The following PHLPP1 variants were observed in gnomAD, a reference collection of about 807,000 sequenced individuals.
PHLPP1 encodes the protein PH domain leucine-rich repeat-containing protein phosphatase 1.
Under a neutral mutation model 117.2 loss-of-function variants are expected in PHLPP1, and 42 were observed. The observed-to-expected ratio is 0.36, with a 90% CI of 0.28 to 0.46. The LOEUF is 0.46. Among genes scored for constraint, PHLPP1 ranks in the 20% least tolerant of loss-of-function variants. The pLI, the probability that PHLPP1 is intolerant of heterozygous loss-of-function variation, is 1.00. For synonymous variants in PHLPP1, 1,042 were observed against 970.7 expected, an observed-to-expected ratio of 1.07 and a Z score of -1.37; for missense variants, 2,084 against 2,241.9, an observed-to-expected ratio of 0.93 and a Z score of 1.42.
At chr18:62,752,365 G>A (rs956152286) in intron 1 of PHLPP1, among the ~76,000 whole-genome samples, 6 of 152,202 alleles carry the variant, frequency 3.9e-5, no homozygotes, top group Non-Finnish European at 8.8e-5. Context: ...ATCTAAACAG[G>A]AAGATAAAGA....
chr18:62,755,102 T>A (rs893517772), intron 1 of PHLPP1, among the ~76,000 whole-genome samples: 29 of 152,344 alleles, frequency 1.9e-4, no homozygotes, highest in African/African-American at 7.0e-4. Flanking sequence ...CATAGTGAAA[T>A]TAGCTGATGT....
intron 1 of PHLPP1, among the ~76,000 whole-genome samples, chr18:62,812,534 T>C (rs190276278): frequency 1.5e-4 from 23 of 152,296 alleles, no homozygotes; most frequent in African/African-American, 4.8e-4. Flanking sequence ...AGAGTTAACA[T>C]TGAGTCATTC....
chr18:62,943,066 C>T (rs1414340853), intron 11 of PHLPP1, among the ~76,000 whole-genome samples: 1 of 152,158 alleles, frequency 6.6e-6, no homozygotes, highest in African/African-American at 2.4e-5. Context: ...TCATTGTCTT[C>T]TTTCAGATGA....
chr18:62,857,181 A>G (rs987443621), intron 3 of PHLPP1, among the ~76,000 whole-genome samples: 2 of 152,182 alleles, frequency 1.3e-5, no homozygotes, highest in Non-Finnish European at 2.9e-5. Context: ...CATATTAGCA[A>G]ACCCTTGGTG....
chr18:62,779,497 G>A (rs549079916), intron 1 of PHLPP1: 2 of 152,278 alleles, frequency 1.3e-5, no homozygotes, highest in South Asian at 2.1e-4. Flanking sequence ...AGTGTGCAGA[G>A]GGATGAATGT....
intron 1 of PHLPP1, among the ~76,000 whole-genome samples, chr18:62,734,352 CTCG>C (rs1911309985): frequency 6.6e-6 from 1 of 152,150 alleles, no homozygotes; most frequent in South Asian, 2.1e-4. Flanking sequence ...AAAAAAACCT[CTCG>C]TCTATGCTAG....
chr18:62,914,814 A>G (rs1314251659), intron 8 of PHLPP1, 99 bp from the exon 9 acceptor site: 4 of 785,220 alleles, frequency 5.1e-6, no homozygotes, highest in East Asian at 2.7e-5. Context: ...GTACTTTGGT[A>G]TTTTATTTGA....
intron 1 of PHLPP1, among the ~76,000 whole-genome samples, chr18:62,797,106 G>T (rs994552643): frequency 2.6e-5 from 4 of 152,066 alleles, no homozygotes; most frequent in Non-Finnish European, 2.9e-5. Context: ...AATCCTCAAG[G>T]TATTTAAAGG....
chr18:62,850,497 C>A (rs1915317821), intron 3 of PHLPP1, among the ~76,000 whole-genome samples: 2 of 151,958 alleles, frequency 1.3e-5, no homozygotes, highest in Admixed American at 6.6e-5. Context: ...TTTTGTGGTT[C>A]ATTTCTCCTT....
At chr18:62,961,375 G>A (rs1237915807) in intron 13 of PHLPP1, among the ~76,000 whole-genome samples, 1 of 152,186 alleles carries the variant, frequency 6.6e-6, no homozygotes, top group Non-Finnish European at 1.5e-5. Flanking sequence ...TGTTCAGCTA[G>A]GTAGAGAAGA....
intron 4 of PHLPP1, among the ~76,000 whole-genome samples, chr18:62,889,853 A>C (rs1260507736): frequency 3.9e-5 from 6 of 152,250 alleles, no homozygotes; most frequent in African/African-American, 9.6e-5. Context: ...AGTTCTAAAA[A>C]GTTAATGAGA....
intron 10 of PHLPP1, among the ~76,000 whole-genome samples, chr18:62,935,552 A>G (rs1227792260): frequency 3.3e-5 from 5 of 152,238 alleles, no homozygotes; most frequent in African/African-American, 9.6e-5. Flanking sequence ...AGAATCATAT[A>G]AGAATAGCCG....
intron 1 of PHLPP1, among the ~76,000 whole-genome samples, chr18:62,735,940 A>G (rs1911357073): frequency 6.6e-6 from 1 of 152,046 alleles, no homozygotes; most frequent in Non-Finnish European, 1.5e-5. Flanking sequence ...CTAAAACTTA[A>G]AGTATAATAA....
chr18:62,778,275 GAC>G (rs775978743), intron 1 of PHLPP1, among the ~76,000 whole-genome samples: 1 of 152,096 alleles, frequency 6.6e-6, no homozygotes, highest in Non-Finnish European at 1.5e-5. Flanking sequence ...CAGTTAAAAA[GAC>G]AGCGCTGGAA....
intron 1 of PHLPP1, among the ~76,000 whole-genome samples, chr18:62,729,547 C>A (rs192451376): frequency 6.6e-6 from 1 of 152,038 alleles, no homozygotes; most frequent in Non-Finnish European, 1.5e-5. Flanking sequence ...TGGTGGTGTG[C>A]GGCTGTAATC....
intron 9 of PHLPP1, among the ~76,000 whole-genome samples, chr18:62,915,546 T>C (rs534807047): frequency 6.6e-6 from 1 of 152,350 alleles, no homozygotes; most frequent in South Asian, 2.1e-4. Context: ...TTCTTATTTT[T>C]ATTTTATAAT....
chr18:62,798,782 C>G (rs577361622), intron 1 of PHLPP1, among the ~76,000 whole-genome samples: 1 of 152,004 alleles, frequency 6.6e-6, no homozygotes, highest in Non-Finnish European at 1.5e-5. Flanking sequence ...ATTCACAGAT[C>G]AAGGCAACCC....
At chr18:62,743,111 A>G (rs1911578393) in intron 1 of PHLPP1, among the ~76,000 whole-genome samples, 3 of 152,142 alleles carry the variant, frequency 2.0e-5, no homozygotes, top group Admixed American at 2.0e-4. Context: ...GAGAGGTCCC[A>G]GGGTTACTTA....
At position 62,964,829 on chromosome 18, in the gene PHLPP1, G is replaced by C. The variant is rs957907265; in HGVS notation, c.3560+1357G>C. On this transcript the variant is annotated intron_variant, in intron 14 of 16. Transcript: ENST00000262719. Reference sequence around the variant, plus strand: ...AACACTAATGTGAAATCTAAGATTAGTTTTTAAATATCTCTGTATATTAAT... The same window carrying C: ...AACACTAATGTGAAATCTAAGATTACTTTTTAAATATCTCTGTATATTAAT... Among the ~76,000 whole-genome samples the C allele has an allele frequency of 1.2e-4, 18 of 152,280 alleles. 1 individual carries two copies. Among genetic ancestry groups the C allele is most frequent in the Admixed American group, 1.2e-3 (18 of 15,300 alleles).
Sources: gnomAD v4.1 joint callset for allele counts (sites outside exome capture counted in the v4.1 genomes callset) on GRCh38, gnomAD v4.1.1 for gene constraint, MANE v1.5 for transcripts, NCBI Gene and HGNC (gene_info 2026-07-23, HGNC 2026-07-21) for gene names.